CCNY: variants seen among roughly 807,000 people sequenced by gnomAD.
The protein encoded by CCNY is cyclin-Y.
CCNY carries 19 observed loss-of-function variants against 42.8 expected under a neutral mutation model. The observed-to-expected ratio is 0.44, with a 90% CI of 0.31 to 0.65. CCNY has a LOEUF of 0.65. CCNY is among the 30% of genes least tolerant of loss of function. The pLI is 0.07. For missense variants in CCNY, 370 were observed against 437.3 expected (o/e 0.85, Z 1.37); for synonymous variants, 165 against 162.7 (o/e 1.01, Z -0.11).
chr10:35,438,850 T>G (rs928541406), intron 1 of CCNY, among the ~76,000 whole-genome samples: 18 of 152,204 alleles, frequency 1.2e-4, no homozygotes, highest in African/African-American at 4.1e-4. Context: ...TCAGGGTAGG[T>G]CTGCTGGTGA....
In CCNY at chr10:35,402,589, C is replaced by T. The variant is rs113787964; in HGVS notation, c.154+65382C>T. 3.4e-3 allele frequency among the ~76,000 whole-genome samples: 513 copies of T among 152,230 alleles called. 4 individuals carry two copies. Among genetic ancestry groups the T allele is most frequent in the African/African-American group, 0.012 (483 of 41,544 alleles). On this transcript the variant is annotated intron_variant, in intron 1 of 9. Transcript: ENST00000374704. ...TTTGGAGGAAAGAGAAATGCAAAGCCAGCAATTGTTTGTTAAAGAAGGATT... is the reference window on the plus strand; with the variant it reads ...TTTGGAGGAAAGAGAAATGCAAAGCTAGCAATTGTTTGTTAAAGAAGGATT...
chr10:35,401,674 C>T (rs945762165), intron 1 of CCNY, among the ~76,000 whole-genome samples: 1 of 151,964 alleles, frequency 6.6e-6, no homozygotes, highest in African/African-American at 2.4e-5. Context: ...TTTGTTTCAC[C>T]TGGGTGCAGG....
chr10:35,394,638 A>G (rs1837484300), intron 1 of CCNY, among the ~76,000 whole-genome samples: 1 of 152,256 alleles, frequency 6.6e-6, no homozygotes, highest in Admixed American at 6.5e-5. Context: ...GTTCTCAGCC[A>G]GGCTGGTCTT....
chr10:35,448,794 G>C (rs535582854), intron 1 of CCNY, among the ~76,000 whole-genome samples: 1 of 152,224 alleles, frequency 6.6e-6, no homozygotes, highest in African/African-American at 2.4e-5. Context: ...TTGCACTCTA[G>C]AATGGGGGCC....
At chr10:35,396,796 C>G (rs535000518) in intron 1 of CCNY, among the ~76,000 whole-genome samples, 2 of 152,206 alleles carry the variant, frequency 1.3e-5, no homozygotes, top group African/African-American at 4.8e-5. Flanking sequence ...CAGTCCTCTT[C>G]GTGCTCTCCC....
chr10:35,335,598 C>T (rs986109505), upstream of CCNY, among the ~76,000 whole-genome samples: 2 of 152,020 alleles, frequency 1.3e-5, no homozygotes, highest in South Asian at 2.1e-4. Context: ...GGCTCATGCC[C>T]GTAATCCCAT....
chr10:35,356,011 C>T (rs1836542349), intron 1 of CCNY, among the ~76,000 whole-genome samples: 1 of 151,860 alleles, frequency 6.6e-6, no homozygotes, highest in African/African-American at 2.4e-5. Flanking sequence ...CTTTTGGCTT[C>T]AGTTGATTTC....
chr10:35,334,983 A>C (rs1835993431), upstream of CCNY, among the ~76,000 whole-genome samples: 1 of 152,114 alleles, frequency 6.6e-6, no homozygotes, highest in Non-Finnish European at 1.5e-5. Flanking sequence ...CAGTTTCCTC[A>C]TATATAAAAT....
intron 2 of CCNY, among the ~76,000 whole-genome samples, chr10:35,487,544 C>T (rs1266614598): frequency 6.6e-6 from 1 of 152,100 alleles, no homozygotes; most frequent in East Asian, 1.9e-4. Flanking sequence ...TTAGATGGCA[C>T]TTGCATGATG....
At chr10:35,342,442 G>GT (rs1436394748) in intron 1 of CCNY, among the ~76,000 whole-genome samples, 4 of 152,198 alleles carry the variant, frequency 2.6e-5, no homozygotes, top group African/African-American at 9.7e-5. Context: ...GAGAAGTGCA[G>GT]TTTAAAGATT....
rs74230733 is a variant in CCNY at position 35,449,342 on chromosome 10, A to C, written c.155-34062A>C. ...GGCAGTCAGCGAGGGAGACATTTTG[A>C]GGAGAAAGTGGGCATCTCTAGTAAG... On this transcript the variant is annotated intron_variant, in intron 1 of 9. Transcript: ENST00000374704. Among the ~76,000 whole-genome samples the C allele has an allele frequency of 1.6e-4, 25 of 151,880 alleles. No individual in the cohort carries two copies. In the East Asian group the frequency reaches 2.7e-3, roughly 17 times the overall value.
chr10:35,307,491 C>T (rs1321036568), intron 3 of CCNY, among the ~76,000 whole-genome samples: 1 of 152,108 alleles, frequency 6.6e-6, no homozygotes, highest in African/African-American at 2.4e-5. Flanking sequence ...GCACCTATTC[C>T]TGTGACTCAC....
At chr10:35,320,143 A>G (rs950463659) in intron 3 of CCNY, among the ~76,000 whole-genome samples, 21 of 152,180 alleles carry the variant, frequency 1.4e-4, no homozygotes, top group African/African-American at 4.8e-4. Context: ...TCATTGTCTG[A>G]GCCCAGACAA....
At chr10:35,471,093 C>T (rs1317703971) in intron 1 of CCNY, among the ~76,000 whole-genome samples, 1 of 152,156 alleles carries the variant, frequency 6.6e-6, no homozygotes, top group African/African-American at 2.4e-5. Context: ...TTCTGTGCAT[C>T]TTGAAGTTCC....
chr10:35,468,854 C>G (rs1564423201), intron 1 of CCNY, among the ~76,000 whole-genome samples: 1 of 152,184 alleles, frequency 6.6e-6, no homozygotes, highest in Non-Finnish European at 1.5e-5. Flanking sequence ...TTACCAGTTG[C>G]TGGGAGATTG....
intron 3 of CCNY, among the ~76,000 whole-genome samples, chr10:35,286,381 T>A (rs1835354633): frequency 6.6e-6 from 1 of 150,948 alleles, no homozygotes; most frequent in Non-Finnish European, 1.5e-5. Context: ...TTTTTTGAGA[T>A]GGAGTCTCAC....
At chr10:35,565,310 T>G (rs889445144) in intron 8 of CCNY, among the ~76,000 whole-genome samples, 1 of 152,252 alleles carries the variant, frequency 6.6e-6, no homozygotes, top group Non-Finnish European at 1.5e-5. Context: ...CTCACCATCA[T>G]CTGGGAGTTC....
In CCNY at chr10:35,553,216, C is replaced by T. The variant is rs765070593; in HGVS notation, c.746+31C>T. ...TTGGGGGGCAGAGGGTGTTGGTCAT[C>T]AGAGTCTTGGCCAGACCATTTGGAA... On this transcript the variant is annotated intron_variant, in intron 8 of 9. Transcript: ENST00000374704. 3.1e-6 allele frequency: 5 copies of T among 1,609,318 alleles called. No homozygotes were observed. In the African/African-American group the frequency reaches 4.0e-5, roughly 13 times the overall value.
intron 4 of CCNY, among the ~76,000 whole-genome samples, chr10:35,521,971 CG>C (rs1827176974): frequency 6.6e-6 from 1 of 152,114 alleles, no homozygotes; most frequent in African/African-American, 2.4e-5. Context: ...TCCAACAAAA[CG>C]GGTGTCAAGG....
Sources: allele counts gnomAD v4.1 joint callset (sites outside exome capture counted in the v4.1 genomes callset), GRCh38; gene constraint gnomAD v4.1.1; transcripts MANE v1.5; gene names NCBI Gene and HGNC (gene_info 2026-07-23, HGNC 2026-07-21).